Variants in CHD9 observed in about 807,000 individuals in gnomAD.
CHD9 encodes ATP-dependent chromatin remodeler CHD9.
Under a neutral mutation model 316.1 loss-of-function variants are expected in CHD9, and 77 were observed. That is an observed-to-expected ratio of 0.24 (90% confidence interval 0.20 to 0.29). The LOEUF (loss-of-function observed/expected upper bound fraction) is 0.29. CHD9 is among the 10% of genes least tolerant of loss of function. The pLI is 1.00. For missense variants in CHD9, 2,763 were observed against 3,438.1 expected (o/e 0.80, Z 4.91); for synonymous variants, 1,129 against 1,158.3 (o/e 0.97, Z 0.51).
Position 53,242,995 on chromosome 16 carries a change from G to A in CHD9, c.3033G>A (p.Glu1011=), listed in dbSNP as rs766570317. Residue 1011 remains glutamate, a synonymous_variant, in exon 13 of 39, where the codon GAG becomes GAA. Transcript: ENST00000447540. The part of the protein sequence containing the change: ...RLKNKNCKLL[E]GLKLMNLEHK... ...AAAATAAAAATTGTAAACTCTTAGA[G>A]GGCCTGAAACTCATGAATCTGGTAA... The A allele has an allele frequency of 1.8e-5, 29 of 1,609,176 alleles. No individual in the cohort carries two copies. The highest frequency in any genetic ancestry group is 2.3e-5 in the Non-Finnish European group (27 of 1,176,748).
chr16:53,112,619 AT>A (rs945156554), intron 1 of CHD9, among the ~76,000 whole-genome samples: 4 of 151,588 alleles, frequency 2.6e-5, no homozygotes, highest in African/African-American at 4.9e-5. Context: ...CTATAACTGG[AT>A]TTTTTTTTCC....
Position 53,209,770 on chromosome 16 carries a change from A to G in CHD9, c.1741A>G (p.Lys581Glu). 1 of 1,604,706 alleles carries G rather than the reference A, an allele frequency of 6.2e-7. No individual in the cohort carries two copies. The highest frequency in any genetic ancestry group is 1.1e-5 in the South Asian group (1 of 89,376). Residue 581 changes from lysine (K) to glutamate (E), a missense_variant, in exon 3 of 39, where the codon AAA becomes GAA. Around this residue, in one of 15 missense-constraint regions of CHD9, gnomAD observed 859 missense variants for 890.4 expected, o/e 0.96. Coordinates refer to ENST00000447540, the MANE Select transcript of CHD9 (RefSeq NM_001308319.2). The part of the protein sequence containing the change: ...KSKPKDKDSK[K>E]TKTCSKLKEK... ...CAAGCCAAAGGACAAAGACAGCAAA[A>G]AAACAAAAACATGTTCTAAGTTAAA...
chr16:53,122,143 G>A (rs1177350773), intron 1 of CHD9: 1 of 144,600 alleles, frequency 6.9e-6, no homozygotes, highest in Non-Finnish European at 1.5e-5. Flanking sequence ...GTGAATGGAT[G>A]TCAATAAAGA....
At chr16:53,270,561 A>G (rs1409412512) in intron 22 of CHD9, among the ~76,000 whole-genome samples, 1 of 152,160 alleles carries the variant, frequency 6.6e-6, no homozygotes, top group Non-Finnish European at 1.5e-5. Context: ...ATAATGTGAA[A>G]GATTGGGGGT....
At chr16:53,066,588 C>T (rs2033538755) in intron 1 of CHD9, among the ~76,000 whole-genome samples, 1 of 152,154 alleles carries the variant, frequency 6.6e-6, no homozygotes, top group Non-Finnish European at 1.5e-5. Flanking sequence ...AAACCCAGCT[C>T]TTGCCCTAGG....
chr16:53,234,528 A>G (rs2048450958), intron 10 of CHD9, among the ~76,000 whole-genome samples: 1 of 150,238 alleles, frequency 6.7e-6, no homozygotes, highest in Admixed American at 6.6e-5. Flanking sequence ...ATGAGTTTTA[A>G]TTAGGAGTGG....
At chr16:53,237,631 G>C (rs565736969) in intron 11 of CHD9, among the ~76,000 whole-genome samples, 1 of 152,100 alleles carries the variant, frequency 6.6e-6, no homozygotes, top group East Asian at 1.9e-4. Context: ...ACTCATTACT[G>C]ACCTCCTTTC....
At chr16:53,228,441 T>A (rs1359508980) in intron 7 of CHD9, among the ~76,000 whole-genome samples, 2 of 151,646 alleles carry the variant, frequency 1.3e-5, no homozygotes, top group Non-Finnish European at 2.9e-5. Context: ...TAATTTTGGA[T>A]AAAGGTCAGG....
chr16:53,314,890 C>G lies in CHD9; in HGVS notation c.7430C>G (p.Pro2477Arg). The G allele has an allele frequency of 3.1e-6, 5 of 1,613,678 alleles. No individual in the cohort carries two copies. Among genetic ancestry groups the G allele is most frequent in the Non-Finnish European group, 4.2e-6 (5 of 1,179,736 alleles). Residue 2477 changes from proline (P) to arginine (R), a missense_variant, in exon 36 of 39, where the codon CCT becomes CGT. Physicochemically the swap from Pro to Arg is moderately radical, Grantham distance 103. This residue lies in a region of CHD9 where 663 missense variants were observed against 751.2 expected (regional missense o/e 0.88). Transcript: ENST00000447540. ...AATCCAGCACTATCCTATACTCAAC[C>G]TCAAGGAATTCCTGATACAGAAAGT... ...GINPALSYTQ[P>R]QGIPDTESPV...
Position 53,324,145 on chromosome 16 carries a change from A to G in CHD9, c.7944A>G (p.Ala2648=). 6.2e-7 allele frequency: 1 copy of G among 1,614,022 alleles called. No individual in the cohort carries two copies. Among genetic ancestry groups the G allele is most frequent in the South Asian group, 1.1e-5 (1 of 91,084 alleles). ...AGGCCACAGCAGCAGCAGCTGCTGC[A>G]TCTGCCACCAGTGTTTCAGGCAATC... ...IAKATAAAAA[A]SATSVSGNPL... is the part of the protein sequence containing the mutation. The change falls in exon 39 of 39, where the codon GCA becomes GCG. Residue 2648 remains alanine (A), a synonymous_variant. Coordinates refer to ENST00000447540, the MANE Select transcript of CHD9 (RefSeq NM_001308319.2).
intron 1 of CHD9, among the ~76,000 whole-genome samples, chr16:53,126,927 C>T (rs1406212787): frequency 1.3e-5 from 2 of 152,058 alleles, no homozygotes; most frequent in Non-Finnish European, 2.9e-5. Context: ...GATCCACCCA[C>T]CTCGGCCTCC....
At chr16:53,199,445 A>C (rs1276952543) in intron 2 of CHD9, among the ~76,000 whole-genome samples, 1 of 152,110 alleles carries the variant, frequency 6.6e-6, no homozygotes, top group African/African-American at 2.4e-5. Context: ...TTTTACTTAA[A>C]GTCATGTTTT....
chr16:53,236,086 C>T (rs1000489140), intron 11 of CHD9, among the ~76,000 whole-genome samples: 1 of 152,120 alleles, frequency 6.6e-6, no homozygotes, highest in Non-Finnish European at 1.5e-5. Flanking sequence ...CCACAGTGCT[C>T]TTTTCCCTGA....
chr16:53,249,938 A>G lies in CHD9; in HGVS notation c.3733A>G (p.Ser1245Gly), dbSNP rs773922714. 6.2e-7 allele frequency: 1 copy of G among 1,613,780 alleles called. No homozygotes were observed. Among genetic ancestry groups the G allele is most frequent in the Admixed American group, 1.7e-5 (1 of 60,000 alleles). The change falls in exon 17 of 39, where the codon AGT (serine) becomes GGT (glycine). Residue 1245 changes from serine to glycine, a missense_variant. By Grantham distance (56) the Ser-to-Gly change is moderately conservative (BLOSUM62 0). This residue lies in a region of CHD9 where 39 missense variants were observed against 40.4 expected (regional missense o/e 0.97). Transcript: ENST00000447540. ...TCGGCAAGCTGCTATAGATAGATTTAGTAAACCTGATTCAGATAGATTTGT... is the reference window on the plus strand; with the variant it reads ...TCGGCAAGCTGCTATAGATAGATTTGGTAAACCTGATTCAGATAGATTTGT... ...NLRQAAIDRF[S>G]KPDSDRFVFL...
chr16:53,323,526 T>A (rs2057400465), intron 38 of CHD9, among the ~76,000 whole-genome samples: 1 of 152,230 alleles, frequency 6.6e-6, no homozygotes, highest in Admixed American at 6.5e-5. Flanking sequence ...ACTTTGAGTA[T>A]CTTTTTGAGC....
intron 2 of CHD9, among the ~76,000 whole-genome samples, chr16:53,162,812 G>A (rs1289922035): frequency 6.7e-6 from 1 of 150,276 alleles, no homozygotes; most frequent in Non-Finnish European, 1.5e-5. Context: ...TGGGGGACAG[G>A]GTCTTTGTCA....
rs2032782386 is a variant in CHD9, at chr16:53,060,774, A to G, written c.-165+5697A>G. ...CTGTCTCAAAAAACAAACGAAAATT[A>G]GCTGGGCATGGTGGCATGCACCTGC... On this transcript the variant is annotated intron_variant, in intron 1 of 38. Transcript: ENST00000447540. Among the ~76,000 whole-genome samples, 2 of 151,794 alleles carry G rather than the reference A, an allele frequency of 1.3e-5. 1 individual carries two copies. Among genetic ancestry groups the G allele is most frequent in the South Asian group, 4.2e-4 (2 of 4,800 alleles).
In CHD9 at chr16:53,231,511, T is replaced by TA; in HGVS notation, c.2373+7dup. On this transcript the variant is annotated splice_region_variant and intron_variant, in intron 9 of 38. Coordinates refer to ENST00000447540, the MANE Select transcript of CHD9 (RefSeq NM_001308319.2). Reference sequence around the variant, plus strand: ...AAGATAAGGATACTGGTGAGGTAAATATATGGTAAAAAGATTTTTTAAGTA... The same window carrying TA: ...AAGATAAGGATACTGGTGAGGTAAATAATATGGTAAAAAGATTTTTTAAGTA... 6.5e-7 allele frequency: 1 copy of TA among 1,535,564 alleles called. No homozygotes were observed. The highest frequency in any genetic ancestry group is 1.2e-5 in the South Asian group (1 of 85,688).
chr16:53,139,060 C>G (rs897257812), intron 1 of CHD9, among the ~76,000 whole-genome samples: 50 of 151,944 alleles, frequency 3.3e-4, no homozygotes, highest in African/African-American at 9.2e-4. Context: ...GGTAAAGGAT[C>G]TATCTTTGGA....
Sources: gnomAD v4.1 joint callset for allele counts (sites outside exome capture counted in the v4.1 genomes callset) on GRCh38, gnomAD v4.1.1 for gene constraint, gnomAD v4.1.1 regional missense constraint, MANE v1.5 for transcripts, NCBI Gene and HGNC (gene_info 2026-07-23, HGNC 2026-07-21) for gene names.